ACACA: variants seen among roughly 807,000 people sequenced by gnomAD.
The protein encoded by ACACA is acetyl-CoA carboxylase 1.
ACACA carries 103 observed loss-of-function variants against 296.1 expected under a neutral mutation model. The observed-to-expected ratio is 0.35, with a 90% CI of 0.30 to 0.41. ACACA has a LOEUF of 0.41. Ranked by LOEUF, ACACA falls within the 10% of genes least tolerant of loss-of-function variation. ACACA has a pLI of 1.00. For missense variants in ACACA, 1,554 were observed against 2,989.7 expected (o/e 0.52, Z 11.20); for synonymous variants, 953 against 1,038.6 (o/e 0.92, Z 1.58).
At position 37,188,337 on chromosome 17, in the gene ACACA, C is replaced by T. The variant is rs1293950636; in HGVS notation, c.4716G>A (p.Glu1572=). 1.2e-6 allele frequency: 2 copies of T among 1,614,006 alleles called. No individual in the cohort carries two copies. The highest frequency in any genetic ancestry group is 1.3e-5 in the African/African-American group (1 of 74,896). Residue 1572 remains glutamate (E), a synonymous_variant, in exon 39 of 56, where the codon GAG becomes GAA. Transcript: ENST00000616317. ...GGCTGATATCCAAGTAATAGCCAGA[C>T]TCGTTTGTCAGGAAGAGGCGGATGG... ...AIPIRLFLTN[E]SGYYLDISLY...
rs184096923 is a variant in ACACA at position 37,366,367 on chromosome 17, G to C, written c.39-26517C>G. ...AATTTTGTAGAGCCTTTATCGTCAA[G>C]AAAAATTGAGCCATCATTCAATTTC... On this transcript the variant is annotated intron_variant, in intron 1 of 55. Transcript: ENST00000616317. 4.1e-3 allele frequency among the ~76,000 whole-genome samples: 623 copies of C among 151,976 alleles called. 6 individuals carry two copies. Among genetic ancestry groups the C allele is most frequent in the Non-Finnish European group, 3.0e-3 (203 of 67,970 alleles).
In ACACA at chr17:37,085,252, G is replaced by T; in HGVS notation, c.*2064C>A. On this transcript the variant is annotated 3_prime_UTR_variant, in exon 56 of 56. Coordinates refer to ENST00000616317, the MANE Select transcript of ACACA (RefSeq NM_198834.3). The stretch of plus-strand genomic sequence containing the variant: ...TGCTCATGTTCTGTGCCTCCAACTT[G>T]AAAAAATCCTTGTCCAGGGTAAGAC... 5.2e-6 allele frequency: 1 copy of T among 191,880 alleles called. No individual in the cohort carries two copies. The highest frequency in any genetic ancestry group is 1.1e-5 in the Non-Finnish European group (1 of 94,940). 11.9% of individuals were successfully genotyped at this position (191,880 alleles called of 1,614,324 possible). A position where few individuals can be genotyped will look rare whatever the true frequency, so the allele number is the denominator to read the frequency against.
At chr17:37,310,928 T>C (rs1319532273) in intron 3 of ACACA, among the ~76,000 whole-genome samples, 1 of 151,398 alleles carries the variant, frequency 6.6e-6, no homozygotes, top group Non-Finnish European at 1.5e-5. Flanking sequence ...AGACTGGAGA[T>C]TGGTAAGAGT....
chr17:37,241,901 AG>A (rs150405602), intron 23 of ACACA, 51 bp downstream of exon 23: 20,405 of 1,470,428 alleles, frequency 0.014, 322 homozygotes, highest in African/African-American at 0.057. Context: ...CTTGAAAGAA[AG>A]GAAGACATGA....
chr17:37,100,565 A>G (rs886235658), intron 52 of ACACA, among the ~76,000 whole-genome samples: 3 of 152,044 alleles, frequency 2.0e-5, no homozygotes, highest in Non-Finnish European at 4.4e-5. Flanking sequence ...AGATTAAAAG[A>G]GACCAAAAAT....
In ACACA at chr17:37,207,805, A is replaced by G; in HGVS notation, c.3708-5T>C. The G allele has an allele frequency of 1.2e-6, 2 of 1,613,794 alleles. No homozygotes were observed. Among genetic ancestry groups the G allele is most frequent in the Non-Finnish European group, 1.7e-6 (2 of 1,179,666 alleles). On this transcript the variant is annotated splice_polypyrimidine_tract_variant and splice_region_variant and intron_variant, in intron 30 of 55. Transcript: ENST00000616317. The stretch of plus-strand genomic sequence containing the variant: ...AGGTTGGAGGAGAAGGACATTCTAA[A>G]TGGTAATTCAATCACGTTCATTAGA...
intron 1 of ACACA, among the ~76,000 whole-genome samples, chr17:37,342,200 G>A (rs1233760614): frequency 4.0e-5 from 6 of 151,296 alleles, no homozygotes; most frequent in East Asian, 1.9e-4. Context: ...CTTAAGGTTC[G>A]GAGTTCGAGA....
chr17:37,179,209 G>C (rs2077228507), intron 41 of ACACA, 51 bp downstream of exon 41: 1 of 1,611,770 alleles, frequency 6.2e-7, no homozygotes, highest in South Asian at 1.1e-5. Flanking sequence ...CAGAAAGCTG[G>C]TACTAGTGGG....
intron 1 of ACACA, among the ~76,000 whole-genome samples, chr17:37,393,014 C>T (rs532113858): frequency 6.6e-6 from 1 of 151,616 alleles, no homozygotes. Context: ...TGGTGGAGGG[C>T]ACCTATAATC....
chr17:37,124,242 A>G (rs1007952990), intron 48 of ACACA, among the ~76,000 whole-genome samples: 1 of 152,232 alleles, frequency 6.6e-6, no homozygotes, highest in Non-Finnish European at 1.5e-5. Flanking sequence ...GAAGCCCAGA[A>G]CTCGTCAGAT....
intron 5 of ACACA, among the ~76,000 whole-genome samples, chr17:37,281,435 T>A (rs900460193): frequency 6.6e-6 from 1 of 152,200 alleles, no homozygotes; most frequent in African/African-American, 2.4e-5. Context: ...CCTGTGCATG[T>A]TTCTTTTATA....
At chr17:37,377,028 G>C (rs1199677374) in intron 1 of ACACA, among the ~76,000 whole-genome samples, 2 of 152,158 alleles carry the variant, frequency 1.3e-5, no homozygotes, top group African/African-American at 4.8e-5. Context: ...AAGTGCAGCA[G>C]TAACGAATTT....
intron 1 of ACACA, among the ~76,000 whole-genome samples, chr17:37,395,609 A>G (rs1274055704): frequency 1.3e-5 from 2 of 151,460 alleles, no homozygotes; most frequent in Non-Finnish European, 2.9e-5. Flanking sequence ...CAATGGCGTG[A>G]TCTCGGCTCA....
chr17:37,349,669 G>A (rs546627815), intron 1 of ACACA, among the ~76,000 whole-genome samples: 3 of 150,120 alleles, frequency 2.0e-5, no homozygotes, highest in South Asian at 4.2e-4. Flanking sequence ...CAATTCTTCT[G>A]CCTCAGCATC....
At chr17:37,331,472 G>A (rs1367831000) in intron 2 of ACACA, among the ~76,000 whole-genome samples, 3 of 151,170 alleles carry the variant, frequency 2.0e-5, no homozygotes, top group Admixed American at 6.6e-5. Flanking sequence ...GCAATGGCAC[G>A]ATCTCAGCTC....
intron 3 of ACACA, among the ~76,000 whole-genome samples, chr17:37,291,511 TTGTGTTGGGCCTCATCCAAAGC>T (rs2083066824): frequency 6.6e-6 from 1 of 152,078 alleles, no homozygotes; most frequent in African/African-American, 2.4e-5. Flanking sequence ...GTTTATGAAT[TTGTGTTGGGCCTCATCCAAAGC>T]TGTGTTGGGC....
chr17:37,311,645 T>C (rs1669159167), intron 3 of ACACA, among the ~76,000 whole-genome samples: 1 of 151,636 alleles, frequency 6.6e-6, no homozygotes, highest in Admixed American at 6.6e-5. Flanking sequence ...AGAAATGAAA[T>C]TACTGTTGCA....
intron 1 of ACACA, among the ~76,000 whole-genome samples, chr17:37,381,758 G>A (rs1422504170): frequency 6.6e-6 from 1 of 151,344 alleles, no homozygotes; most frequent in Admixed American, 6.6e-5. Context: ...CTCCCGAGTA[G>A]CTGGGACTAC....
chr17:37,350,026 G>A (rs2048823835), intron 1 of ACACA, among the ~76,000 whole-genome samples: 1 of 152,060 alleles, frequency 6.6e-6, no homozygotes, highest in Non-Finnish European at 1.5e-5. Context: ...CACTGGATGT[G>A]ATGCAATAGA....
Sources: allele counts gnomAD v4.1 joint callset (sites outside exome capture counted in the v4.1 genomes callset), GRCh38; gene constraint gnomAD v4.1.1; transcripts MANE v1.5; gene names NCBI Gene and HGNC (gene_info 2026-07-23, HGNC 2026-07-21).